JUN: variants seen among roughly 807,000 people sequenced by gnomAD.
The protein encoded by JUN is transcription factor Jun.
In JUN, 7 loss-of-function variants were observed where a neutral mutation model predicts 19.7. That is an observed-to-expected ratio of 0.36 (90% CI 0.20 to 0.67). The LOEUF (loss-of-function observed/expected upper bound fraction) is 0.67. Among genes scored for constraint, JUN ranks in the 30% least tolerant of loss-of-function variants. JUN has a pLI of 0.64. For missense variants in JUN, 373 were observed against 451.0 expected (o/e 0.83, Z 1.57); for synonymous variants, 246 against 206.9 (o/e 1.19, Z -1.62).
In JUN at chr1:58,782,420, C is replaced by A; in HGVS notation, c.651G>T (p.Val217=). Residue 217 remains valine, a synonymous_variant, in exon 1 of 1, where the codon GTG becomes GTT. Transcript: ENST00000371222. This position sits in a 1 kb window ranked among gnomAD's most constrained non-coding sequence, Gnocchi z 8.7. ...TCAGGGCCTGCAGCCGCGGGTGCTGCACGGGCATCTGCTGGGGCAGGTGGT... is the reference window on the plus strand; with the variant it reads ...TCAGGGCCTGCAGCCGCGGGTGCTGAACGGGCATCTGCTGGGGCAGGTGGT... ...PPHHLPQQMP[V]QHPRLQALKE... 6.2e-7 allele frequency: 1 copy of A among 1,608,824 alleles called. No homozygotes were observed. The highest frequency in any genetic ancestry group is 8.5e-7 in the Non-Finnish European group (1 of 1,177,594).
In JUN at chr1:58,783,785, G is replaced by C. The variant is rs1482560132; in HGVS notation, c.-715C>G. 2 of 247,974 alleles carry C rather than the reference G, an allele frequency of 8.1e-6. No individual in the cohort carries two copies. The highest frequency in any genetic ancestry group is 1.7e-5 in the Non-Finnish European group (2 of 118,120). The allele number at this position is 247,974 out of a possible 1,614,324, so 15.4% of individuals were successfully genotyped here. A position where few individuals can be genotyped will look rare whatever the true frequency, so the allele number is the denominator to read the frequency against. ...GGGCGCGTGGGTACCGCTGCTTTCCGCCGCTGTCAACAGCGCCTGGGCAGC... is the reference window on the plus strand; with the variant it reads ...GGGCGCGTGGGTACCGCTGCTTTCCCCCGCTGTCAACAGCGCCTGGGCAGC... On this transcript the variant is annotated 5_prime_UTR_variant, in exon 1 of 1. Coordinates refer to ENST00000371222, the MANE Select transcript of JUN (RefSeq NM_002228.4).
chr1:58,782,422 C>A lies in JUN; in HGVS notation c.649G>T (p.Val217Leu), dbSNP rs202028796. Residue 217 changes from valine (V) to leucine (L), a missense_variant, in exon 1 of 1, where the codon GTG (valine) becomes TTG (leucine). Transcript: ENST00000371222. The surrounding 1 kb of genome is among the most constrained non-coding windows in gnomAD (Gnocchi z 8.7). ...AGGGCCTGCAGCCGCGGGTGCTGCA[C>A]GGGCATCTGCTGGGGCAGGTGGTGC... ...PPHHLPQQMPVQHPRLQALKE... is the reference protein window; with the variant it reads ...PPHHLPQQMPLQHPRLQALKE... 1 of 1,607,654 alleles carries A rather than the reference C, an allele frequency of 6.2e-7. No individual in the cohort carries two copies. Among genetic ancestry groups the A allele is most frequent in the Non-Finnish European group, 8.5e-7 (1 of 1,177,186 alleles).
Position 58,783,819 on chromosome 1 carries a change from C to T in JUN, c.-749G>A, listed in dbSNP as rs1190734827. 1 of 247,942 alleles carries T rather than the reference C, an allele frequency of 4.0e-6. No individual in the cohort carries two copies. Among genetic ancestry groups the T allele is most frequent in the Non-Finnish European group, 8.5e-6 (1 of 118,158 alleles). The allele number at this position is 247,942 out of a possible 1,614,324, so 15.4% of individuals were successfully genotyped here. ...AACAGCGCCTGGGCAGCAGGGCTCT[C>T]CTCCCGGGGGCGGCTGGAGACCAGG... On this transcript the variant is annotated 5_prime_UTR_variant, in exon 1 of 1. Coordinates refer to ENST00000371222, the MANE Select transcript of JUN (RefSeq NM_002228.4).
At position 58,782,445 on chromosome 1, in the gene JUN, T is replaced by G. The variant is rs1645582031; in HGVS notation, c.626A>C (p.His209Pro). 6.3e-7 allele frequency: 1 copy of G among 1,599,266 alleles called. No homozygotes were observed. The highest frequency in any genetic ancestry group is 8.5e-7 in the Non-Finnish European group (1 of 1,174,926). ...AQPQQQQQPPHHLPQQMPVQH... is the reference protein window; with the variant it reads ...AQPQQQQQPPPHLPQQMPVQH... The stretch of plus-strand genomic sequence containing the variant: ...CACGGGCATCTGCTGGGGCAGGTGG[T>G]GCGGCGGCTGCTGCTGCTGCTGGGG... The change falls in exon 1 of 1, where the codon CAC becomes CCC. Residue 209 changes from histidine to proline, a missense_variant. By Grantham distance (77) the His-to-Pro change is moderately conservative. Coordinates refer to ENST00000371222, the MANE Select transcript of JUN (RefSeq NM_002228.4). This position sits in a 1 kb window ranked among gnomAD's most constrained non-coding sequence, Gnocchi z 8.7.
Position 58,781,294 on chromosome 1 carries a change from A to G in JUN, c.*781T>C. 1 of 232,684 alleles carries G rather than the reference A, an allele frequency of 4.3e-6. No individual in the cohort carries two copies. The highest frequency in any genetic ancestry group is 6.1e-5 in the East Asian group (1 of 16,442). The allele number at this position is 232,684 out of a possible 1,614,324, so 14.4% of individuals were successfully genotyped here. ...CCACCTAGATAGCTAGTATCTACAG[A>G]TGATGCAGAAAAGAGGTTAGGGGAG... On this transcript the variant is annotated 3_prime_UTR_variant, in exon 1 of 1. Coordinates refer to ENST00000371222, the MANE Select transcript of JUN (RefSeq NM_002228.4).
Position 58,782,032 on chromosome 1 carries a change from TA to T in JUN, c.*42del, listed in dbSNP as rs750369788. ...AGTTCTCAAGTCTGTCTCTCTGTGT[TA>T]TTTTTTTTCTTCGTTGCCCCTCAGC... On this transcript the variant is annotated 3_prime_UTR_variant, in exon 1 of 1. Transcript: ENST00000371222. This position sits in a 1 kb window ranked among gnomAD's most constrained non-coding sequence, Gnocchi z 8.7. 3.4e-6 allele frequency: 5 copies of T among 1,468,784 alleles called. No individual in the cohort carries two copies. The highest frequency in any genetic ancestry group is 1.4e-5 in the African/African-American group (1 of 70,980). The allele number at this position is 1,468,784 out of a possible 1,614,324, so 91.0% of individuals were successfully genotyped here. A position where few individuals can be genotyped will look rare whatever the true frequency, so the allele number is the denominator to read the frequency against.
At position 58,783,367 on chromosome 1, in the gene JUN, G is replaced by C; in HGVS notation, c.-297C>G. ...TCACTGAGCGCTCTTCGTGCGCAGC[G>C]GTTCCTCGGAGTCCGCAGGCGAACT... On this transcript the variant is annotated 5_prime_UTR_variant, in exon 1 of 1. Coordinates refer to ENST00000371222, the MANE Select transcript of JUN (RefSeq NM_002228.4). The C allele has an allele frequency of 4.9e-6, 2 of 410,504 alleles. No homozygotes were observed. The highest frequency in any genetic ancestry group is 9.3e-6 in the Non-Finnish European group (2 of 215,706). The allele number at this position is 410,504 out of a possible 1,614,324, so 25.4% of individuals were successfully genotyped here.
rs1048597646 is a variant in JUN, at chr1:58,781,912, A to C, written c.*163T>G. ...CGCCAAGTCCTTCCCACTCGTGCAC[A>C]CTGGGGGCGCCGTCAGGACGCAACC... On this transcript the variant is annotated 3_prime_UTR_variant, in exon 1 of 1. Coordinates refer to ENST00000371222, the MANE Select transcript of JUN (RefSeq NM_002228.4). The C allele has an allele frequency of 3.2e-5, 21 of 657,372 alleles. No homozygotes were observed. In the East Asian group the frequency reaches 5.5e-4, roughly 17 times the overall value. The allele number at this position is 657,372 out of a possible 1,614,324, so 40.7% of individuals were successfully genotyped here.
chr1:58,782,332 T>A lies in JUN; in HGVS notation c.739A>T (p.Met247Leu). 3 of 1,614,246 alleles carry A rather than the reference T, an allele frequency of 1.9e-6. No individual in the cohort carries two copies. The highest frequency in any genetic ancestry group is 1.3e-5 in the African/African-American group (1 of 75,074). The change falls in exon 1 of 1, where the codon ATG becomes TTG. Residue 247 changes from methionine (M) to leucine (L), a missense_variant. This residue lies in a region of JUN where 83 missense variants were observed against 143.0 expected (regional missense o/e 0.58). Transcript: ENST00000371222. This position sits in a 1 kb window ranked among gnomAD's most constrained non-coding sequence, Gnocchi z 8.7. ...GETPPLSPIDMESQERIKAER... is the reference protein window; with the variant it reads ...GETPPLSPIDLESQERIKAER... ...GCCTTGATCCGCTCCTGGGACTCCATGTCGATGGGGGACAGGGGCGGTGTC... is the reference window on the plus strand; with the variant it reads ...GCCTTGATCCGCTCCTGGGACTCCAAGTCGATGGGGGACAGGGGCGGTGTC...
chr1:58,782,585 G>T lies in JUN; in HGVS notation c.486C>A (p.Ser162Arg). The T allele has an allele frequency of 6.3e-7, 1 of 1,578,860 alleles. No individual in the cohort carries two copies. The highest frequency in any genetic ancestry group is 8.5e-7 in the Non-Finnish European group (1 of 1,170,818). Residue 162 changes from serine (S) to arginine (R), a missense_variant, in exon 1 of 1, where the codon AGC (serine) becomes AGA (arginine). This residue lies in a region of JUN where 173 missense variants were observed against 154.5 expected (regional missense o/e 1.12). Transcript: ENST00000371222. This position sits in a 1 kb window ranked among gnomAD's most constrained non-coding sequence, Gnocchi z 8.7. ...GGSGSGGFSA[S>R]LHSEPPVYAN... is the part of the protein sequence containing the mutation. ...CGTAGACCGGCGGCTCGCTGTGCAG[G>T]CTGGCGCTGAAGCCGCCGCTGCCGC...
In JUN at chr1:58,781,953, AC is replaced by A. The variant is rs1645577767; in HGVS notation, c.*121del. On this transcript the variant is annotated 3_prime_UTR_variant, in exon 1 of 1. Coordinates refer to ENST00000371222, the MANE Select transcript of JUN (RefSeq NM_002228.4). ...GGACGCAACCCAGTCCAACTTGGAT[AC>A]CCTTGGCTTTAGTTCTCGGACACTT... The A allele has an allele frequency of 1.2e-6, 1 of 853,622 alleles. No homozygotes were observed. Among genetic ancestry groups the A allele is most frequent in the East Asian group, 2.5e-5 (1 of 40,058 alleles). The allele number at this position is 853,622 out of a possible 1,614,324, so 52.9% of individuals were successfully genotyped here.
In JUN at chr1:58,782,401, C is replaced by A. The variant is rs921757521; in HGVS notation, c.670G>T (p.Ala224Ser). ...QMPVQHPRLQ[A>S]LKEEPQTVPE... ...ACTGTCTGAGGCTCCTCCTTCAGGG[C>A]CTGCAGCCGCGGGTGCTGCACGGGC... Residue 224 changes from alanine to serine, a missense_variant, in exon 1 of 1, where the codon GCC becomes TCC. Ala to Ser is a moderately conservative substitution (Grantham distance 99). Coordinates refer to ENST00000371222, the MANE Select transcript of JUN (RefSeq NM_002228.4). This position sits in a 1 kb window ranked among gnomAD's most constrained non-coding sequence, Gnocchi z 8.7. 3.7e-6 allele frequency: 6 copies of A among 1,610,718 alleles called. No individual in the cohort carries two copies. In the African/African-American group the frequency reaches 6.7e-5, roughly 18 times the overall value.
chr1:58,782,517 C>T lies in JUN; in HGVS notation c.554G>A (p.Gly185Asp), dbSNP rs774994834. 219 of 1,571,918 alleles carry T rather than the reference C, an allele frequency of 1.4e-4. No homozygotes were observed. The highest frequency in any genetic ancestry group is 1.7e-4 in the Non-Finnish European group (194 of 1,165,100). The change falls in exon 1 of 1, where the codon GGC (glycine) becomes GAC (aspartate). Residue 185 changes from glycine (G) to aspartate (D), a missense_variant. Gly to Asp is a moderately conservative substitution (Grantham distance 94). Around this residue, in one of 4 missense-constraint regions of JUN, gnomAD observed 173 missense variants for 154.5 expected, o/e 1.12. Transcript: ENST00000371222. The surrounding 1 kb of genome is among the most constrained non-coding windows in gnomAD (Gnocchi z 8.7). ...GGCCGCGCCGTAGGAGGGCGCCCCGCCGCCGCTGCTCAGCGCGCCTGGGTT... is the reference window on the plus strand; with the variant it reads ...GGCCGCGCCGTAGGAGGGCGCCCCGTCGCCGCTGCTCAGCGCGCCTGGGTT... ...NFNPGALSSGGGAPSYGAAGL... is the reference protein window; with the variant it reads ...NFNPGALSSGDGAPSYGAAGL...
chr1:58,783,227 C>T lies in JUN; in HGVS notation c.-157G>A, dbSNP rs566654361. 8.9e-7 allele frequency: 1 copy of T among 1,124,796 alleles called. No homozygotes were observed. The highest frequency in any genetic ancestry group is 1.3e-6 in the Non-Finnish European group (1 of 797,638). The allele number at this position is 1,124,796 out of a possible 1,614,324, so 69.7% of individuals were successfully genotyped here. A position where few individuals can be genotyped will look rare whatever the true frequency, so the allele number is the denominator to read the frequency against. Reference sequence around the variant, plus strand: ...CGCACGCACCCGCTGGCTGTCGTCCCCGCTGCGCCCTCCTCACCAGCTCGC... The same window carrying T: ...CGCACGCACCCGCTGGCTGTCGTCCTCGCTGCGCCCTCCTCACCAGCTCGC... On this transcript the variant is annotated 5_prime_UTR_variant, in exon 1 of 1. Coordinates refer to ENST00000371222, the MANE Select transcript of JUN (RefSeq NM_002228.4).
chr1:58,781,978 TTC>T lies in JUN; in HGVS notation c.*95_*96del. 1.8e-6 allele frequency: 2 copies of T among 1,109,254 alleles called. No individual in the cohort carries two copies. The highest frequency in any genetic ancestry group is 2.6e-6 in the Non-Finnish European group (2 of 758,408). The allele number at this position is 1,109,254 out of a possible 1,614,324, so 68.7% of individuals were successfully genotyped here. A position where few individuals can be genotyped will look rare whatever the true frequency, so the allele number is the denominator to read the frequency against. ...ACCCTTGGCTTTAGTTCTCGGACAC[TTC>T]TTTTTTCTCTCCGTCGCAACTTGTC... On this transcript the variant is annotated 3_prime_UTR_variant, in exon 1 of 1. Coordinates refer to ENST00000371222, the MANE Select transcript of JUN (RefSeq NM_002228.4).
At position 58,782,726 on chromosome 1, in the gene JUN, C is replaced by G; in HGVS notation, c.345G>C (p.Val115=). Residue 115 remains valine, a synonymous_variant, in exon 1 of 1, where the codon GTG becomes GTC. Transcript: ENST00000371222. The surrounding 1 kb of genome is among the most constrained non-coding windows in gnomAD (Gnocchi z 8.7). ...GGCTGTGCAGTTCGGCCAGGGCGCGCACGAAGCCCTCGGCGAAGCCCTCCT... is the reference window on the plus strand; with the variant it reads ...GGCTGTGCAGTTCGGCCAGGGCGCGGACGAAGCCCTCGGCGAAGCCCTCCT... The part of the protein sequence containing the change: ...DEQEGFAEGF[V]RALAELHSQN... 1.2e-6 allele frequency: 2 copies of G among 1,608,640 alleles called. No individual in the cohort carries two copies. Among genetic ancestry groups the G allele is most frequent in the Non-Finnish European group, 1.7e-6 (2 of 1,178,808 alleles).
At position 58,783,064 on chromosome 1, in the gene JUN, C is replaced by T. The variant is rs767611605; in HGVS notation, c.7G>A (p.Ala3Thr). 3.7e-6 allele frequency: 6 copies of T among 1,613,628 alleles called. No individual in the cohort carries two copies. The highest frequency in any genetic ancestry group is 4.2e-6 in the Non-Finnish European group (5 of 1,179,686). The change falls in exon 1 of 1, where the codon GCA (alanine) becomes ACA (threonine). Residue 3 changes from alanine (A) to threonine (T), a missense_variant. Coordinates refer to ENST00000371222, the MANE Select transcript of JUN (RefSeq NM_002228.4). MT[A>T]KMETTFYDDA... ...TCATAGAAGGTCGTTTCCATCTTTGCAGTCATAGAACAGTCCGTCACTTCA... is the reference window on the plus strand; with the variant it reads ...TCATAGAAGGTCGTTTCCATCTTTGTAGTCATAGAACAGTCCGTCACTTCA...
Position 58,782,096 on chromosome 1 carries a change from C to A in JUN, c.975G>T (p.Thr325=). Residue 325 remains threonine, a synonymous_variant, in exon 1 of 1, where the codon ACG becomes ACT. Transcript: ENST00000371222. The surrounding 1 kb of genome is among the most constrained non-coding windows in gnomAD (Gnocchi z 8.7). ...CTCTTCAAAATGTTTGCAACTGCTG[C>A]GTTAGCATGAGTTGGCACCCACTGT... is the stretch of plus-strand genomic sequence containing the variant. The part of the protein sequence containing the change: ...HVNSGCQLML[T]QQLQTF The A allele has an allele frequency of 2.5e-6, 4 of 1,613,134 alleles. No individual in the cohort carries two copies. The highest frequency in any genetic ancestry group is 3.4e-6 in the Non-Finnish European group (4 of 1,179,114).
rs1557559131 is a variant in JUN, at chr1:58,781,276, G to C, written c.*799C>G. ...TTCTTAACTCTTTCAACTCCACCTA[G>C]ATAGCTAGTATCTACAGATGATGCA... On this transcript the variant is annotated 3_prime_UTR_variant, in exon 1 of 1. Transcript: ENST00000371222. 1 of 232,768 alleles carries C rather than the reference G, an allele frequency of 4.3e-6. No individual in the cohort carries two copies. The highest frequency in any genetic ancestry group is 8.5e-6 in the Non-Finnish European group (1 of 117,628). 14.4% of individuals were successfully genotyped at this position (232,768 alleles called of 1,614,324 possible).
Sources: allele counts gnomAD v4.1 joint callset, GRCh38; gene constraint gnomAD v4.1.1; regional missense constraint gnomAD v4.1.1; non-coding constraint Gnocchi (gnomAD v3.1); transcripts MANE v1.5; gene names NCBI Gene and HGNC (gene_info 2026-07-23, HGNC 2026-07-21).